NEIL3: variants seen among roughly 807,000 people sequenced by gnomAD.
NEIL3 encodes the protein endonuclease 8-like 3.
A neutral mutation model predicts 57.5 loss-of-function variants in NEIL3; 48 were observed. That is an observed-to-expected ratio of 0.83 (90% CI 0.66 to 1.06). NEIL3 has a LOEUF of 1.06. NEIL3 is among the 50% of genes least tolerant of loss of function. The probability of loss-of-function intolerance (pLI) is 0.00; values close to 1 mark genes in which losing one functional copy is unlikely to be tolerated. For missense variants in NEIL3, 717 were observed against 739.1 expected, an observed-to-expected ratio of 0.97 and a Z score of 0.35; for synonymous variants, 261 against 253.2, an observed-to-expected ratio of 1.03 and a Z score of -0.29.
rs1395153109 is a variant in NEIL3, at chr4:177,309,913, C to G, written c.-41C>G. 1.3e-6 allele frequency: 2 copies of G among 1,590,876 alleles called. No individual in the cohort carries two copies. The highest frequency in any genetic ancestry group is 1.7e-6 in the Non-Finnish European group (2 of 1,170,124). On this transcript the variant is annotated 5_prime_UTR_variant, in exon 1 of 10. Coordinates refer to ENST00000264596, the MANE Select transcript of NEIL3 (RefSeq NM_018248.3). Reference sequence around the variant, plus strand: ...GTTGAGTTGCACAGCGGTATTCTCACCAGGCCCTGCAATCGGTGGGCCACA... The same window carrying G: ...GTTGAGTTGCACAGCGGTATTCTCAGCAGGCCCTGCAATCGGTGGGCCACA...
At chr4:177,340,219 A>G (rs1313350141) in intron 5 of NEIL3, among the ~76,000 whole-genome samples, 2 of 152,204 alleles carry the variant, frequency 1.3e-5, no homozygotes, top group African/African-American at 4.8e-5. Flanking sequence ...GCCACTGACT[A>G]TAGACCTTGG....
chr4:177,353,454 A>G lies in NEIL3; in HGVS notation c.1186A>G (p.Ser396Gly), dbSNP rs1735404053. Residue 396 changes from serine (S) to glycine (G), a missense_variant, in exon 8 of 10, where the codon AGC becomes GGC. Ser to Gly is a moderately conservative substitution (Grantham distance 56). Transcript: ENST00000264596. ...GTTTLVLTDF[S>G]NKSSTLERKT... ...TACAACTCTTGTCTTGACTGATTTT[A>G]GCAATAAATCCAGTACTTTGGAAAG... The G allele has an allele frequency of 6.2e-7, 1 of 1,614,034 alleles. No individual in the cohort carries two copies. The highest frequency in any genetic ancestry group is 1.3e-5 in the African/African-American group (1 of 75,026).
chr4:177,347,016 A>G (rs1735234432), intron 6 of NEIL3, among the ~76,000 whole-genome samples: 1 of 147,764 alleles, frequency 6.8e-6, no homozygotes, highest in Admixed American at 6.7e-5. Context: ...AAAAAAAAAA[A>G]GAAAAAGAAA....
At chr4:177,318,633 T>A (rs1017065580) in intron 1 of NEIL3, among the ~76,000 whole-genome samples, 34 of 152,308 alleles carry the variant, frequency 2.2e-4, no homozygotes, top group African/African-American at 7.7e-4. Flanking sequence ...TTTGCCTGGA[T>A]CATGGCTCAC....
In NEIL3 at chr4:177,311,978, G is replaced by A. The variant is rs369043926; in HGVS notation, c.156+1869G>A. The stretch of plus-strand genomic sequence containing the variant: ...TGTTAGGTTTTATGCTAGCTCCTGC[G>A]GATACGAAGATGAGTAGGATATGCT... On this transcript the variant is annotated intron_variant, in intron 1 of 9. Coordinates refer to ENST00000264596, the MANE Select transcript of NEIL3 (RefSeq NM_018248.3). Among the ~76,000 whole-genome samples the A allele has an allele frequency of 7.6e-4, 115 of 152,230 alleles. 6 individuals are homozygous for A. In the South Asian group the frequency reaches 0.023, roughly 30 times the overall value.
chr4:177,354,311 T>C (rs1735429776), intron 8 of NEIL3: 1 of 151,984 alleles, frequency 6.6e-6, no homozygotes, highest in African/African-American at 2.4e-5. Context: ...TTGGAAAATA[T>C]TGTAAAGTAT....
At chr4:177,355,534 C>G (rs867023350) in intron 8 of NEIL3, among the ~76,000 whole-genome samples, 9 of 151,940 alleles carry the variant, frequency 5.9e-5, no homozygotes, top group Admixed American at 5.9e-4. Flanking sequence ...CAAATATTTT[C>G]GATCCAAGGT....
At chr4:177,361,033 C>T (rs1185353405) in intron 9 of NEIL3, among the ~76,000 whole-genome samples, 3 of 152,140 alleles carry the variant, frequency 2.0e-5, no homozygotes, top group Non-Finnish European at 4.4e-5. Flanking sequence ...CTAACTTCAG[C>T]GCTACATCAA....
chr4:177,325,457 A>C (rs1047455353), intron 2 of NEIL3, among the ~76,000 whole-genome samples: 1 of 152,088 alleles, frequency 6.6e-6, no homozygotes, highest in African/African-American at 2.4e-5. Flanking sequence ...CAGATGATGG[A>C]CATTTGGATT....
At chr4:177,366,368 A>G (rs1735692695), downstream of NEIL3, among the ~76,000 whole-genome samples, 1 of 152,184 alleles carries the variant, frequency 6.6e-6, no homozygotes, top group Non-Finnish European at 1.5e-5. Context: ...ATCTATTACC[A>G]AATTTGGGAA....
At chr4:177,329,941 T>C (rs1285127340) in intron 2 of NEIL3, among the ~76,000 whole-genome samples, 1 of 152,260 alleles carries the variant, frequency 6.6e-6, no homozygotes, top group Admixed American at 6.5e-5. Context: ...AAATGGAGTC[T>C]TGCTCTGTCA....
At chr4:177,369,568 G>A in the NEIL3 span, among the ~76,000 whole-genome samples, 3 of 152,104 alleles carry the variant, frequency 2.0e-5, no homozygotes, top group African/African-American at 4.8e-5. Flanking sequence ...AACTGATGAC[G>A]CAGAGGAACC....
rs1735095455 is a variant in NEIL3 at position 177,341,646 on chromosome 4, AGATAT to A, written c.869+5_869+9del. On this transcript the variant is annotated splice_donor_5th_base_variant and intron_variant, in intron 6 of 9. Transcript: ENST00000264596. ...ATCCTCAACATGTTGACATATGGTA[AGATAT>A]TGAATTTAAAGGGATACCATTTGCC... 1.2e-6 allele frequency: 2 copies of A among 1,611,430 alleles called. No individual in the cohort carries two copies. Among genetic ancestry groups the A allele is most frequent in the Non-Finnish European group, 1.7e-6 (2 of 1,178,710 alleles).
chr4:177,341,755 C>A, intron 6 of NEIL3, 113 bp downstream of exon 6: 1 of 908,042 alleles, frequency 1.1e-6, no homozygotes. Flanking sequence ...GAACGTGACT[C>A]AAAAGTATTT....
downstream of NEIL3, among the ~76,000 whole-genome samples, chr4:177,367,736 T>G (rs1206980969): frequency 6.6e-6 from 1 of 152,126 alleles, no homozygotes; most frequent in Non-Finnish European, 1.5e-5. Context: ...CACAAGAATA[T>G]AAAATATTTT....
At chr4:177,327,640 A>G (rs545234018) in intron 2 of NEIL3, among the ~76,000 whole-genome samples, 3 of 152,264 alleles carry the variant, frequency 2.0e-5, no homozygotes, top group East Asian at 3.9e-4. Flanking sequence ...TGCACTGGCC[A>G]GGACCCCCAG....
chr4:177,322,322 G>T, intron 1 of NEIL3, 137 bp from the exon 2 acceptor site: 1 of 1,166,758 alleles, frequency 8.6e-7, no homozygotes, highest in Non-Finnish European at 1.2e-6. Flanking sequence ...TACATTACAT[G>T]ACTTGTTGGA....
chr4:177,369,590 A>G, the NEIL3 span, among the ~76,000 whole-genome samples: 1,637 of 151,678 alleles, frequency 0.011, 35 homozygotes, highest in African/African-American at 0.038. Flanking sequence ...AAACAAATGA[A>G]AAAAATGATC....
intron 1 of NEIL3, among the ~76,000 whole-genome samples, chr4:177,321,273 C>A (rs562928610): frequency 6.6e-6 from 1 of 152,164 alleles, no homozygotes; most frequent in Admixed American, 6.5e-5. Context: ...TCCTTAGGCC[C>A]ATTTGAGAAA....
Sources: gnomAD v4.1 joint callset for allele counts (sites outside exome capture counted in the v4.1 genomes callset) on GRCh38, gnomAD v4.1.1 for gene constraint, MANE v1.5 for transcripts, NCBI Gene and HGNC (gene_info 2026-07-23, HGNC 2026-07-21) for gene names.